The following LPP variants were observed in gnomAD, a reference collection of about 807,000 sequenced individuals.
LPP encodes lipoma-preferred partner.
In LPP, 38 loss-of-function variants were observed where a neutral mutation model predicts 60.4. The observed-to-expected ratio is 0.63, with a 90% CI of 0.49 to 0.83. The LOEUF is 0.83. Ranked by LOEUF, LPP falls within the 40% of genes least tolerant of loss-of-function variation. The pLI is 0.00. For synonymous variants in LPP, 328 were observed against 290.8 expected (o/e 1.13, Z -1.30); for missense variants, 902 against 783.6 (o/e 1.15, Z -1.80).
Position 188,886,719 on chromosome 3 carries a change from A to AAC in LPP, c.*12256_*12257dup, listed in dbSNP as rs562970107. On this transcript the variant is annotated 3_prime_UTR_variant, in exon 12 of 12. Coordinates refer to ENST00000617246, the MANE Select transcript of LPP (RefSeq NM_001375462.1). ...GATCATACAATTGTATTGTCTTCAA[A>AAC]ACACACACACACACACATACACACA... is the stretch of plus-strand genomic sequence containing the variant. 2,068 of 153,566 alleles carry AAC rather than the reference A, an allele frequency of 0.013. 35 individuals carry two copies. The highest frequency in any genetic ancestry group is 0.065 in the African/African-American group (1,655 of 25,312). 9.5% of individuals were successfully genotyped at this position (153,566 alleles called of 1,614,324 possible). A position where few individuals can be genotyped will look rare whatever the true frequency, so the allele number is the denominator to read the frequency against.
chr3:188,165,022 G>A (rs919513320), intron 1 of LPP, among the ~76,000 whole-genome samples: 5 of 151,868 alleles, frequency 3.3e-5, no homozygotes, highest in Non-Finnish European at 7.4e-5. Flanking sequence ...TTGTAATCCC[G>A]GTACTTTGGG....
intron 2 of LPP, among the ~76,000 whole-genome samples, chr3:188,252,368 TCTC>T (rs1730178805): frequency 1.0e-5 from 1 of 98,638 alleles, no homozygotes; most frequent in Non-Finnish European, 2.1e-5. Flanking sequence ...TTTTTTTTCC[TCTC>T]TCTCTCTCCT....
chr3:188,696,980 T>C lies in LPP; in HGVS notation c.1114-11287T>C, dbSNP rs77700026. On this transcript the variant is annotated intron_variant, in intron 7 of 11. Transcript: ENST00000617246. Reference sequence around the variant, plus strand: ...TCGTGTACTCTAGAAACAAGGACCCTTGACTTTTTTCTCTTCTTTGGCTAT... The same window carrying C: ...TCGTGTACTCTAGAAACAAGGACCCCTGACTTTTTTCTCTTCTTTGGCTAT... 2.8e-3 allele frequency among the ~76,000 whole-genome samples: 428 copies of C among 152,336 alleles called. 5 individuals are homozygous for C. In the East Asian group the frequency reaches 0.04, roughly 14 times the overall value.
chr3:188,164,258 A>T (rs569300646), intron 1 of LPP, among the ~76,000 whole-genome samples: 1 of 152,182 alleles, frequency 6.6e-6, no homozygotes, highest in East Asian at 1.9e-4. Context: ...AAGGAATAAG[A>T]TTGGTTCTCT....
intron 2 of LPP, among the ~76,000 whole-genome samples, chr3:188,281,601 C>CAAAA (rs1167297915): frequency 0.071 from 4,693 of 66,332 alleles, 400 homozygotes; most frequent in African/African-American, 0.17. Flanking sequence ...AAGACTCTAC[C>CAAAA]AAAAAAAAAA....
chr3:188,164,885 T>C (rs1719463411), intron 1 of LPP, among the ~76,000 whole-genome samples: 1 of 152,134 alleles, frequency 6.6e-6, no homozygotes, highest in Admixed American at 6.6e-5. Flanking sequence ...TATGTTACTC[T>C]GGGTTTCGAC....
rs1179701075 is a variant in LPP, at chr3:188,251,471, A to G, written c.-67+25944A>G. 2.0e-5 allele frequency among the ~76,000 whole-genome samples: 3 copies of G among 152,150 alleles called. No individual in the cohort carries two copies. The East Asian group carries it at 5.8e-4, about 29-fold the overall frequency. On this transcript the variant is annotated intron_variant, in intron 2 of 11. Coordinates refer to ENST00000617246, the MANE Select transcript of LPP (RefSeq NM_001375462.1). ...CATTGCTACTCTGGTGCCTTAACTT[A>G]TAGCCTCTTTCAATGACTGGAGCTA...
intron 6 of LPP, among the ~76,000 whole-genome samples, chr3:188,600,850 C>T (rs1368834565): frequency 6.6e-6 from 1 of 151,898 alleles, no homozygotes; most frequent in African/African-American, 2.4e-5. Context: ...TTTCTTCAAG[C>T]TTCAAGCTTA....
chr3:188,465,733 C>G (rs533147180), intron 4 of LPP, among the ~76,000 whole-genome samples: 1 of 152,188 alleles, frequency 6.6e-6, no homozygotes, highest in South Asian at 2.1e-4. Flanking sequence ...AATAGGAGGC[C>G]GTGTAGCTCC....
intron 3 of LPP, among the ~76,000 whole-genome samples, chr3:188,362,400 C>T (rs1172106960): frequency 3.3e-5 from 5 of 152,036 alleles, no homozygotes; most frequent in African/African-American, 7.2e-5. Context: ...TCCTTTTTGC[C>T]GCTTCCTTTC....
At chr3:188,417,116 G>A (rs1466272927) in intron 4 of LPP, among the ~76,000 whole-genome samples, 1 of 152,000 alleles carries the variant, frequency 6.6e-6, no homozygotes, top group Admixed American at 6.6e-5. Flanking sequence ...AGGTCATTGG[G>A]ATGTGGCATC....
chr3:188,389,712 G>T (rs893801144), intron 3 of LPP, among the ~76,000 whole-genome samples: 17 of 139,268 alleles, frequency 1.2e-4, no homozygotes, highest in African/African-American at 4.3e-4. Context: ...GGAGGCAGAG[G>T]TTGCAGTGAG....
At chr3:188,649,318 A>G (rs1851657382) in intron 7 of LPP, among the ~76,000 whole-genome samples, 1 of 152,232 alleles carries the variant, frequency 6.6e-6, no homozygotes, top group Non-Finnish European at 1.5e-5. Context: ...CTCAAGCCAA[A>G]GAAAAATATA....
chr3:188,446,379 A>C (rs1795235585), intron 4 of LPP, among the ~76,000 whole-genome samples: 1 of 152,174 alleles, frequency 6.6e-6, no homozygotes, highest in Non-Finnish European at 1.5e-5. Flanking sequence ...CAAGGTCAAA[A>C]CATCATGAAA....
intron 9 of LPP, among the ~76,000 whole-genome samples, chr3:188,765,310 AC>A (rs1733676289): frequency 1.4e-5 from 2 of 145,900 alleles, no homozygotes; most frequent in Admixed American, 6.7e-5. Flanking sequence ...ACACACACAC[AC>A]ACACACACAC....
intron 4 of LPP, among the ~76,000 whole-genome samples, chr3:188,417,990 T>C (rs911557399): frequency 1.3e-5 from 2 of 152,236 alleles, no homozygotes; most frequent in Non-Finnish European, 2.9e-5. Context: ...AGAAGGATTT[T>C]ATTGTGAAAT....
chr3:188,655,297 G>A (rs1445175334), intron 7 of LPP, among the ~76,000 whole-genome samples: 1 of 152,108 alleles, frequency 6.6e-6, no homozygotes, highest in African/African-American at 2.4e-5. Context: ...CTAGCAGCAC[G>A]TTAAAAAGTG....
At chr3:188,693,537 C>A (rs1284549180) in intron 7 of LPP, among the ~76,000 whole-genome samples, 5 of 152,142 alleles carry the variant, frequency 3.3e-5, no homozygotes, top group Non-Finnish European at 7.4e-5. Context: ...TTGATGAGGG[C>A]TTTGAACTCA....
chr3:188,396,591 T>C (rs1423559520), intron 3 of LPP, among the ~76,000 whole-genome samples: 1 of 152,200 alleles, frequency 6.6e-6, no homozygotes, highest in Non-Finnish European at 1.5e-5. Context: ...TAGGTCTCAT[T>C]AGAGATCATA....
Sources: allele counts gnomAD v4.1 joint callset (sites outside exome capture counted in the v4.1 genomes callset), GRCh38; gene constraint gnomAD v4.1.1; transcripts MANE v1.5; gene names NCBI Gene and HGNC (gene_info 2026-07-23, HGNC 2026-07-21).